PCDH7: variants seen among roughly 807,000 people sequenced by gnomAD.
PCDH7 encodes protocadherin-7.
A neutral mutation model predicts 58.9 loss-of-function variants in PCDH7; 17 were observed. The observed-to-expected ratio is 0.29, with a 90% CI of 0.20 to 0.43. PCDH7 has a LOEUF of 0.43. Among genes scored for constraint, PCDH7 ranks in the 20% least tolerant of loss-of-function variants. The pLI, the probability that PCDH7 is intolerant of heterozygous loss-of-function variation, is 1.00. For synonymous variants in PCDH7, 664 were observed against 616.4 expected, an observed-to-expected ratio of 1.08 and a Z score of -1.14; for missense variants, 1,274 against 1,441.0, an observed-to-expected ratio of 0.88 and a Z score of 1.88.
In PCDH7 at chr4:31,095,231, T is replaced by C. The variant is rs1578781723; in HGVS notation, c.*8-47242T>C. On this transcript the variant is annotated intron_variant, in intron 3 of 3. Coordinates refer to the PCDH7 transcript ENST00000509759. ...GGAATTGGTTCTATGGTAGATTTTG[T>C]AACTAGCTTAAATTATATTTCTTTG... Among the ~76,000 whole-genome samples the C allele has an allele frequency of 3.9e-5, 6 of 152,242 alleles. 1 individual carries two copies. Among genetic ancestry groups the C allele is most frequent in the Admixed American group, 3.9e-4 (6 of 15,278 alleles).
rs77711785 is a variant in PCDH7 at position 30,904,391 on chromosome 4, C to T, written c.71-15762C>T. 5.3e-3 allele frequency among the ~76,000 whole-genome samples: 814 copies of T among 152,298 alleles called. 5 individuals carry two copies. The highest frequency in any genetic ancestry group is 9.1e-3 in the Non-Finnish European group (618 of 68,026). On this transcript the variant is annotated intron_variant, in intron 1 of 3. Coordinates refer to the PCDH7 transcript ENST00000509759. ...CTACCCATGGTGAATAGAATCCTCA[C>T]AGTGCATCCCCTGACCTTCTTTTCT...
At chr4:30,960,868 T>C (rs1748344554) in intron 3 of PCDH7, among the ~76,000 whole-genome samples, 1 of 152,180 alleles carries the variant, frequency 6.6e-6, no homozygotes, top group Non-Finnish European at 1.5e-5. Context: ...TGAGGAAATG[T>C]GAAATAAAAT....
intron 3 of PCDH7, among the ~76,000 whole-genome samples, chr4:31,135,186 A>T (rs1719450147): frequency 6.6e-6 from 1 of 152,096 alleles, no homozygotes; most frequent in South Asian, 2.1e-4. Flanking sequence ...TGTATTGCTA[A>T]TTTTGACCCA....
At chr4:31,057,469 T>G (rs1289907839) in intron 3 of PCDH7, among the ~76,000 whole-genome samples, 1 of 152,120 alleles carries the variant, frequency 6.6e-6, no homozygotes, top group Non-Finnish European at 1.5e-5. Context: ...GATTAAAACT[T>G]TCCTATATGT....
At chr4:31,017,998 TA>T (rs1753752726) in intron 3 of PCDH7, among the ~76,000 whole-genome samples, 1 of 152,194 alleles carries the variant, frequency 6.6e-6, no homozygotes, top group African/African-American at 2.4e-5. Flanking sequence ...GTTTTAATTA[TA>T]AATTAGACAG....
At chr4:30,748,987 T>A (rs189575169) in intron 1 of PCDH7, among the ~76,000 whole-genome samples, 1 of 152,306 alleles carries the variant, frequency 6.6e-6, no homozygotes, top group Admixed American at 6.5e-5. Context: ...ATGACCTTTT[T>A]TCTTGCAAGA....
chr4:30,738,235 T>C (rs912059518), intron 1 of PCDH7, among the ~76,000 whole-genome samples: 2 of 152,184 alleles, frequency 1.3e-5, no homozygotes, highest in African/African-American at 4.8e-5. Context: ...TATTATTTTC[T>C]GAGCAAAAAC....
chr4:31,037,694 A>G (rs1030406234), intron 3 of PCDH7, among the ~76,000 whole-genome samples: 2 of 152,164 alleles, frequency 1.3e-5, no homozygotes, highest in African/African-American at 4.8e-5. Context: ...TTTCATATCC[A>G]TTGCTCTCTT....
intron 3 of PCDH7, among the ~76,000 whole-genome samples, chr4:31,045,592 T>C (rs1415944438): frequency 2.6e-5 from 4 of 152,060 alleles, no homozygotes; most frequent in Non-Finnish European, 5.9e-5. Context: ...CCTGATTTGC[T>C]ACAGTTTGGG....
downstream of PCDH7, among the ~76,000 whole-genome samples, chr4:30,735,326 T>G (rs1716099551): frequency 6.6e-6 from 1 of 152,110 alleles, no homozygotes; most frequent in Non-Finnish European, 1.5e-5. Context: ...CTTTGTTCAG[T>G]CAAATGTCAA....
At chr4:30,986,682 G>T (rs111330024) in intron 3 of PCDH7, among the ~76,000 whole-genome samples, 2 of 151,872 alleles carry the variant, frequency 1.3e-5, no homozygotes, top group East Asian at 3.9e-4. Context: ...ATCAGAATCC[G>T]TTTGAAAATG....
chr4:31,090,136 A>G (rs375459564), intron 3 of PCDH7, among the ~76,000 whole-genome samples: 6 of 152,106 alleles, frequency 3.9e-5, no homozygotes, highest in African/African-American at 1.4e-4. Context: ...CTGCCAGTTT[A>G]TAGCTTATTC....
exon 2 of PCDH7, chr4:30,732,923 C>CT: frequency 6.6e-6 from 1 of 152,284 alleles, no homozygotes; most frequent in African/African-American, 2.4e-5. Context: ...TTTGAGAAGT[C>CT]TATTACCATT....
intron 3 of PCDH7, among the ~76,000 whole-genome samples, chr4:30,963,358 T>C (rs1265427865): frequency 6.6e-6 from 1 of 152,208 alleles, no homozygotes. Flanking sequence ...ATGCTTCCTC[T>C]CACTGTTGGA....
intron 1 of PCDH7, chr4:30,725,228 G>T: frequency 2.0e-6 from 2 of 991,170 alleles, no homozygotes; most frequent in Non-Finnish European, 2.4e-6. Context: ...TATAATAATC[G>T]ATACCTATAA....
At chr4:30,985,345 C>G (rs750019359) in intron 3 of PCDH7, among the ~76,000 whole-genome samples, 13 of 151,978 alleles carry the variant, frequency 8.6e-5, no homozygotes, top group Non-Finnish European at 1.5e-4. Context: ...TATTTTGGTT[C>G]CTTTTCGGGA....
intron 3 of PCDH7, among the ~76,000 whole-genome samples, chr4:31,074,356 G>C (rs1367331362): frequency 1.3e-5 from 2 of 151,638 alleles, no homozygotes; most frequent in Non-Finnish European, 1.5e-5. Flanking sequence ...TGAAGATATA[G>C]CATTATTATA....
intron 3 of PCDH7, among the ~76,000 whole-genome samples, chr4:31,141,388 A>T (rs976737119): frequency 6.6e-6 from 1 of 152,226 alleles, no homozygotes; most frequent in African/African-American, 2.4e-5. Context: ...TTTGTTTGGC[A>T]ATAAAAAACA....
chr4:30,842,523 T>A (rs1035543020), intron 1 of PCDH7, among the ~76,000 whole-genome samples: 1 of 152,154 alleles, frequency 6.6e-6, no homozygotes, highest in Admixed American at 6.6e-5. Flanking sequence ...CATTATTATA[T>A]CCCCAGAACA....
Sources: gnomAD v4.1 joint callset for allele counts (sites outside exome capture counted in the v4.1 genomes callset) on GRCh38, gnomAD v4.1.1 for gene constraint, MANE v1.5 for transcripts, NCBI Gene and HGNC (gene_info 2026-07-23, HGNC 2026-07-21) for gene names.